MINK1: variants seen among roughly 807,000 people sequenced by gnomAD.
The protein encoded by MINK1 is misshapen like kinase 1, also known as misshapen-like kinase 1.
MINK1 carries 46 observed loss-of-function variants against 178.4 expected under a neutral mutation model. The observed-to-expected ratio is 0.26, with a 90% CI of 0.20 to 0.33. The LOEUF (loss-of-function observed/expected upper bound fraction) is 0.33, where lower values mean the gene tolerates loss of function less well. MINK1 is among the 10% of genes least tolerant of loss of function. MINK1 has a pLI of 1.00. For synonymous variants in MINK1, 797 were observed against 709.7 expected, an observed-to-expected ratio of 1.12 and a Z score of -1.96; for missense variants, 1,366 against 1,814.9, an observed-to-expected ratio of 0.75 and a Z score of 4.49.
chr17:4,835,405 T>C (rs1909163245), intron 1 of MINK1, among the ~76,000 whole-genome samples: 1 of 152,108 alleles, frequency 6.6e-6, no homozygotes, highest in African/African-American at 2.4e-5. Context: ...AGGTGGGGCA[T>C]CACCTGAGGT....
At position 4,897,344 on chromosome 17, in the gene MINK1, G is replaced by A. The variant is rs1969654160; in HGVS notation, c.*57G>A. 1 of 1,532,258 alleles carries A rather than the reference G, an allele frequency of 6.5e-7. No homozygotes were observed. 94.9% of individuals were successfully genotyped at this position (1,532,258 alleles called of 1,614,324 possible). On this transcript the variant is annotated 3_prime_UTR_variant, in exon 32 of 32. Transcript: ENST00000355280. ...GACCCAGCTCTCCCCCTGCAGCCAG[G>A]CTTCCCGGGCCGCCCCTCTTTCCCC...
chr17:4,889,237 C>T (rs938511353), intron 12 of MINK1, among the ~76,000 whole-genome samples: 4 of 152,184 alleles, frequency 2.6e-5, no homozygotes, highest in African/African-American at 9.7e-5. Flanking sequence ...TTTCTGTGCA[C>T]GGGCACCTGG....
chr17:4,833,595 A>G lies in MINK1; in HGVS notation c.12A>G (p.Pro4=). Residue 4 remains proline (P), a synonymous_variant, in exon 1 of 32, where the codon CCA becomes CCG. Transcript: ENST00000355280. This position sits in a 1 kb window ranked among gnomAD's most constrained non-coding sequence, Gnocchi z 4.8. The part of the protein sequence containing the change: MGD[P]APARSLDDID... ...TCCCCACGGAGGCCATGGGCGACCCAGCCCCCGCCCGCAGCCTGGACGACA... is the reference window on the plus strand; with the variant it reads ...TCCCCACGGAGGCCATGGGCGACCCGGCCCCCGCCCGCAGCCTGGACGACA... The G allele has an allele frequency of 2.0e-6, 3 of 1,500,342 alleles. No individual in the cohort carries two copies. Among genetic ancestry groups the G allele is most frequent in the Non-Finnish European group, 8.8e-7 (1 of 1,131,142 alleles). The allele number at this position is 1,500,342 out of a possible 1,614,324, so 92.9% of individuals were successfully genotyped here.
chr17:4,883,433 T>G (rs1178107934), intron 4 of MINK1: 1 of 151,682 alleles, frequency 6.6e-6, no homozygotes, highest in Non-Finnish European at 1.5e-5. Flanking sequence ...CTCGAATTCC[T>G]GACCTCATGA....
chr17:4,858,489 T>A (rs1913561283), intron 1 of MINK1, among the ~76,000 whole-genome samples: 1 of 151,260 alleles, frequency 6.6e-6, no homozygotes, highest in Non-Finnish European at 1.5e-5. Context: ...ATTTTTTTTT[T>A]TTTTTGAGAC....
In MINK1 at chr17:4,852,809, G is replaced by C. The variant is rs1466398005; in HGVS notation, c.57+19169G>C. The stretch of plus-strand genomic sequence containing the variant: ...GATGGGTGGAGTGTGTTTGGTGGGG[G>C]AGTGTGGTTTGTGGGGGAGTGTGGT... On this transcript the variant is annotated intron_variant, in intron 1 of 31. Transcript: ENST00000355280. 2.1e-3 allele frequency among the ~76,000 whole-genome samples: 26 copies of C among 12,146 alleles called. 3 individuals are homozygous for C. Among genetic ancestry groups the C allele is most frequent in the African/African-American group, 8.8e-3 (19 of 2,162 alleles). 8.0% of individuals were successfully genotyped at this position (12,146 alleles called of 152,430 possible).
In MINK1 at chr17:4,892,422, G is replaced by A; in HGVS notation, c.2108G>A (p.Trp703Ter). 6.4e-7 allele frequency: 1 copy of A among 1,556,274 alleles called. No homozygotes were observed. Among genetic ancestry groups the A allele is most frequent in the African/African-American group, 1.4e-5 (1 of 71,156 alleles). ...CACAGACCTCGCAGCAACTCCGCCT[G>A]GCAAATCTATCTGCAAAGGCGGGCA... ...VRARPRSNSA[W>*]QIYLQRRAER... Residue 703 changes from tryptophan to a stop codon, truncating the protein, a stop_gained, in exon 18 of 32, where the codon TGG (tryptophan) becomes TAG (stop). Coordinates refer to ENST00000355280, the MANE Select transcript of MINK1 (RefSeq NM_153827.5). LOFTEE classifies it high-confidence loss of function.
At chr17:4,865,002 G>C (rs540883042) in intron 1 of MINK1, among the ~76,000 whole-genome samples, 1 of 152,186 alleles carries the variant, frequency 6.6e-6, no homozygotes, top group Admixed American at 6.5e-5. Flanking sequence ...CTCTTTCCAC[G>C]ACCAAAACCT....
chr17:4,876,412 C>T (rs1157698460), intron 1 of MINK1, among the ~76,000 whole-genome samples: 1 of 152,224 alleles, frequency 6.6e-6, no homozygotes, highest in Admixed American at 6.5e-5. Context: ...CACGTCTCCG[C>T]TCTCCAGCTC....
chr17:4,897,590 A>G lies in MINK1; in HGVS notation c.*303A>G. The G allele has an allele frequency of 6.1e-6, 2 of 327,426 alleles. No individual in the cohort carries two copies. Among genetic ancestry groups the G allele is most frequent in the Non-Finnish European group, 1.1e-5 (2 of 176,102 alleles). 20.3% of individuals were successfully genotyped at this position (327,426 alleles called of 1,614,324 possible). ...CCCCCTTTTCTCCATTTGAGAGGAG[A>G]GTGCTTGGGGCTTGAACCCCTTACC... On this transcript the variant is annotated 3_prime_UTR_variant, in exon 32 of 32. Transcript: ENST00000355280.
intron 4 of MINK1, among the ~76,000 whole-genome samples, chr17:4,881,634 G>A (rs2150994496): frequency 6.6e-6 from 1 of 152,310 alleles, no homozygotes; most frequent in Admixed American, 6.5e-5. Context: ...ACAGCTCCTG[G>A]GAAAGCAACA....
At chr17:4,841,324 C>A (rs529940953) in intron 1 of MINK1, among the ~76,000 whole-genome samples, 1 of 152,262 alleles carries the variant, frequency 6.6e-6, no homozygotes, top group East Asian at 1.9e-4. Flanking sequence ...ATTTCTCACA[C>A]CGTCTTGTTC....
rs901274722 is a variant in MINK1, at chr17:4,894,033, C to T, written c.2610C>T (p.Asp870=). The T allele has an allele frequency of 7.5e-6, 12 of 1,590,374 alleles. No individual in the cohort carries two copies. In the East Asian group the frequency reaches 9.0e-5, roughly 12 times the overall value. ...TDSVSTMVVH[D]VEEITGTQPP... Reference sequence around the variant, plus strand: ...GCGTCAGCACCATGGTGGTCCACGACGTCGAGGAGATCACCGGGACCCAGC... The same window carrying T: ...GCGTCAGCACCATGGTGGTCCACGATGTCGAGGAGATCACCGGGACCCAGC... Residue 870 remains aspartate (D), a synonymous_variant, in exon 22 of 32, where the codon GAC becomes GAT. Transcript: ENST00000355280. The surrounding 1 kb of genome is among the most constrained non-coding windows in gnomAD (Gnocchi z 4.1).
chr17:4,850,770 G>A (rs1911825304), intron 1 of MINK1, among the ~76,000 whole-genome samples: 1 of 152,152 alleles, frequency 6.6e-6, no homozygotes, highest in Non-Finnish European at 1.5e-5. Flanking sequence ...AAGGAGGCTG[G>A]CAATAAGATA....
chr17:4,877,483 CAG>C (rs1967283808), intron 1 of MINK1, among the ~76,000 whole-genome samples: 1 of 152,156 alleles, frequency 6.6e-6, no homozygotes, highest in African/African-American at 2.4e-5. Flanking sequence ...CCCTCAGTCT[CAG>C]GGGGACTGGG....
At chr17:4,888,977 G>C (rs1252944181) in intron 12 of MINK1, among the ~76,000 whole-genome samples, 1 of 152,156 alleles carries the variant, frequency 6.6e-6, no homozygotes, top group Non-Finnish European at 1.5e-5. Context: ...TGGGATTACA[G>C]GTGTGAGCCA....
chr17:4,877,226 G>A (rs1377309846), intron 1 of MINK1, among the ~76,000 whole-genome samples: 1 of 152,140 alleles, frequency 6.6e-6, no homozygotes, highest in Non-Finnish European at 1.5e-5. Context: ...CCAGGAGGGT[G>A]TGGGTGGCCT....
intron 31 of MINK1, 87 bp from the exon 32 acceptor site, chr17:4,897,117 C>T: frequency 8.7e-7 from 1 of 1,153,630 alleles, no homozygotes; most frequent in Non-Finnish European, 1.3e-6. Context: ...AACTCTTCTG[C>T]CACCCCTTCT....
chr17:4,890,301 T>G, intron 13 of MINK1: 1 of 1,298,146 alleles, frequency 7.7e-7, no homozygotes, highest in Non-Finnish European at 9.9e-7. Context: ...GAACAGGCCC[T>G]GCTGCTGGTA....
Sources: gnomAD v4.1 joint callset for allele counts (sites outside exome capture counted in the v4.1 genomes callset) on GRCh38, gnomAD v4.1.1 for gene constraint, Gnocchi (gnomAD v3.1) non-coding constraint, MANE v1.5 for transcripts, NCBI Gene and HGNC (gene_info 2026-07-23, HGNC 2026-07-21) for gene names.